The following RBM33 variants were observed in gnomAD, a reference collection of about 807,000 sequenced individuals.
RBM33 encodes the protein RNA-binding protein 33.
Under a neutral mutation model 132.6 loss-of-function variants are expected in RBM33, and 28 were observed. That is an observed-to-expected ratio of 0.21 (90% CI 0.16 to 0.29). The LOEUF (loss-of-function observed/expected upper bound fraction) is 0.29. RBM33 is among the 10% of genes least tolerant of loss of function. RBM33 has a pLI of 1.00. For synonymous variants in RBM33, 634 were observed against 593.0 expected (o/e 1.07, Z -1.01); for missense variants, 1,291 against 1,518.5 (o/e 0.85, Z 2.49).
chr7:155,693,530 T>G (rs1466568363), intron 5 of RBM33, among the ~76,000 whole-genome samples: 1 of 152,186 alleles, frequency 6.6e-6, no homozygotes, highest in Non-Finnish European at 1.5e-5. Context: ...AATTTACTGT[T>G]GAAAAATATT....
At chr7:155,673,443 T>TATATACCCACATATATATATACATACAC (rs1350942553) in intron 3 of RBM33, among the ~76,000 whole-genome samples, 3 of 145,750 alleles carry the variant, frequency 2.1e-5, no homozygotes, top group African/African-American at 5.0e-5. Flanking sequence ...TGTGTGTGTA[T>TATATACCCACATATATATATACATACAC]GTGTATATAT....
intron 13 of RBM33, among the ~76,000 whole-genome samples, chr7:155,743,742 T>G (rs917561905): frequency 1.3e-5 from 2 of 152,226 alleles, no homozygotes; most frequent in African/African-American, 2.4e-5. Flanking sequence ...GCTGCTGTTC[T>G]GAACATGCTT....
intron 6 of RBM33, 90 bp downstream of exon 6, chr7:155,701,034 G>C (rs1799946507): frequency 8.7e-7 from 1 of 1,149,924 alleles, no homozygotes; most frequent in African/African-American, 1.5e-5. Context: ...AGGCAAAGAA[G>C]GTTGACTAGG....
chr7:155,680,705 C>T lies in RBM33; in HGVS notation c.364C>T (p.Gln122Ter). Residue 122 changes from glutamine to a stop codon, truncating the protein, a stop_gained, in exon 5 of 18, where the codon CAA becomes TAA. Coordinates refer to ENST00000401878, the MANE Select transcript of RBM33 (RefSeq NM_053043.3). LOFTEE classifies it high-confidence loss of function. Reference sequence around the variant, plus strand: ...ACAGGAATCTGAGTATGAACAAGAACAAGGAGAGGATGAACTGGTTTATCA... The same window carrying T: ...ACAGGAATCTGAGTATGAACAAGAATAAGGAGAGGATGAACTGGTTTATCA... Reference protein sequence around the residue: ...GEQESEYEQEQGEDELVYHKS... With the variant: ...GEQESEYEQE 6.2e-7 allele frequency: 1 copy of T among 1,612,776 alleles called. No homozygotes were observed. Among genetic ancestry groups the T allele is most frequent in the Non-Finnish European group, 8.5e-7 (1 of 1,179,444 alleles).
intron 1 of RBM33, among the ~76,000 whole-genome samples, chr7:155,646,981 G>A (rs1455624620): frequency 1.3e-5 from 2 of 152,182 alleles, no homozygotes; most frequent in Non-Finnish European, 2.9e-5. Context: ...TCATTTCCAC[G>A]TGATTTACCT....
intron 3 of RBM33, among the ~76,000 whole-genome samples, chr7:155,675,231 T>C (rs1699202563): frequency 6.7e-6 from 1 of 148,832 alleles, no homozygotes; most frequent in Non-Finnish European, 1.5e-5. Context: ...GAGGCGGAGG[T>C]TGCAGTGAAC....
chr7:155,764,736 A>G (rs534230923), intron 15 of RBM33, among the ~76,000 whole-genome samples: 121 of 152,358 alleles, frequency 7.9e-4, no homozygotes, highest in African/African-American at 2.8e-3. Flanking sequence ...GGGTGGAGCT[A>G]TGCAGAGGGA....
At chr7:155,705,695 T>C (rs928637247) in intron 6 of RBM33, among the ~76,000 whole-genome samples, 2 of 152,218 alleles carry the variant, frequency 1.3e-5, no homozygotes, top group African/African-American at 4.8e-5. Context: ...CCAATTTAGC[T>C]AGTGTTGTAA....
intron 6 of RBM33, among the ~76,000 whole-genome samples, chr7:155,704,234 C>T (rs946945888): frequency 1.3e-5 from 2 of 152,126 alleles, no homozygotes; most frequent in African/African-American, 4.8e-5. Flanking sequence ...AAGTAGAATT[C>T]TGGGCTTTCA....
chr7:155,665,358 C>A (rs921544536), intron 2 of RBM33, 105 bp downstream of exon 2: 1 of 975,342 alleles, frequency 1.0e-6, no homozygotes, highest in Non-Finnish European at 1.6e-6. Flanking sequence ...GACTACCTGG[C>A]GCTCTCTCTT....
intron 5 of RBM33, among the ~76,000 whole-genome samples, chr7:155,681,570 ATTTG>A (rs1799339185): frequency 1.3e-5 from 2 of 151,936 alleles, no homozygotes; most frequent in Admixed American, 1.3e-4. Context: ...ATCAAAAGAG[ATTTG>A]TTTTTTAAAA....
At chr7:155,708,959 G>A in intron 7 of RBM33, among the ~76,000 whole-genome samples, 1 of 151,458 alleles carries the variant, frequency 6.6e-6, no homozygotes, top group Non-Finnish European at 1.5e-5. Context: ...ATTCCGTTCT[G>A]TTCCCTGTCC....
chr7:155,733,612 T>TC (rs1379478353), intron 9 of RBM33, among the ~76,000 whole-genome samples: 4 of 151,282 alleles, frequency 2.6e-5, no homozygotes, highest in Non-Finnish European at 5.9e-5. Flanking sequence ...TTCCCTTTGG[T>TC]CCTCATTTTA....
At chr7:155,711,067 T>G in intron 7 of RBM33, 136 bp from the exon 8 acceptor site, 2 of 1,304,170 alleles carry the variant, frequency 1.5e-6, no homozygotes, top group East Asian at 3.0e-5. Flanking sequence ...TACAGACTTC[T>G]TACATTGTAA....
intron 14 of RBM33, among the ~76,000 whole-genome samples, chr7:155,748,576 C>T (rs987611601): frequency 2.0e-5 from 3 of 152,174 alleles, no homozygotes; most frequent in Non-Finnish European, 4.4e-5. Flanking sequence ...TCTATATTTT[C>T]CATATGTCAT....
At chr7:155,770,864 G>T in intron 16 of RBM33, among the ~76,000 whole-genome samples, 1 of 152,210 alleles carries the variant, frequency 6.6e-6, no homozygotes, top group East Asian at 1.9e-4. Flanking sequence ...CTGCCAGGTG[G>T]CATGGTTGTT....
chr7:155,730,779 G>A (rs1326168474), intron 9 of RBM33, among the ~76,000 whole-genome samples: 3 of 152,270 alleles, frequency 2.0e-5, no homozygotes, highest in Non-Finnish European at 4.4e-5. Context: ...GCTTTGTTAC[G>A]TACCAGTAAC....
intron 8 of RBM33, among the ~76,000 whole-genome samples, chr7:155,717,898 G>A (rs1800512955): frequency 6.6e-6 from 1 of 152,206 alleles, no homozygotes; most frequent in South Asian, 2.1e-4. Flanking sequence ...CAGTTTGTGA[G>A]CATTTTCTCC....
intron 3 of RBM33, among the ~76,000 whole-genome samples, chr7:155,676,805 T>A (rs1362121981): frequency 6.6e-6 from 1 of 152,186 alleles, no homozygotes. Context: ...GTGAAGTGGA[T>A]ATTGTGCTTA....
Sources: allele counts gnomAD v4.1 joint callset (sites outside exome capture counted in the v4.1 genomes callset), GRCh38; gene constraint gnomAD v4.1.1; transcripts MANE v1.5; gene names NCBI Gene and HGNC (gene_info 2026-07-23, HGNC 2026-07-21).